PPFIA2: variants seen among roughly 807,000 people sequenced by gnomAD.
PPFIA2 encodes liprin-alpha-2.
PPFIA2 carries 46 observed loss-of-function variants against 175.5 expected under a neutral mutation model. The observed-to-expected ratio is 0.26, with a 90% CI of 0.21 to 0.34. PPFIA2 has a LOEUF of 0.34. Among genes scored for constraint, PPFIA2 ranks in the 10% least tolerant of loss-of-function variants. The pLI is 1.00. For synonymous variants in PPFIA2, 568 were observed against 511.4 expected, an observed-to-expected ratio of 1.11 and a Z score of -1.49; for missense variants, 1,179 against 1,506.1, an observed-to-expected ratio of 0.78 and a Z score of 3.60.
Position 81,362,857 on chromosome 12 carries a change from A to G in PPFIA2, c.1546-73T>C, listed in dbSNP as rs79626223. ...CAATTATGATAAATGAGTCTTAATG[A>G]TTTTTTTTAAAAAGGAAAAACTGAG... On this transcript the variant is annotated intron_variant, in intron 14 of 32. Transcript: ENST00000549396. 1.8e-3 allele frequency: 1,675 copies of G among 910,720 alleles called. 22 individuals carry two copies. The East Asian group carries it at 0.032, about 17-fold the overall frequency. 56.4% of individuals were successfully genotyped at this position (910,720 alleles called of 1,614,324 possible). A position where few individuals can be genotyped will look rare whatever the true frequency, so the allele number is the denominator to read the frequency against.
intron 11 of PPFIA2, among the ~76,000 whole-genome samples, chr12:81,372,222 C>A (rs1360891681): frequency 6.7e-6 from 1 of 150,200 alleles, no homozygotes; most frequent in Non-Finnish European, 1.5e-5. Flanking sequence ...GAACTACAGG[C>A]AGAAATGGTT....
intron 4 of PPFIA2, among the ~76,000 whole-genome samples, chr12:81,537,726 T>C (rs1463808839): frequency 6.6e-6 from 1 of 151,838 alleles, no homozygotes; most frequent in Non-Finnish European, 1.5e-5. Flanking sequence ...AATGAGTTCT[T>C]CGTTTTACCA....
intron 8 of PPFIA2, among the ~76,000 whole-genome samples, chr12:81,402,564 T>C (rs2042262394): frequency 6.6e-6 from 1 of 152,032 alleles, no homozygotes; most frequent in Non-Finnish European, 1.5e-5. Flanking sequence ...GGTAAAAAAA[T>C]GTGGTATAGC....
chr12:81,654,485 G>T (rs2067484191), intron 4 of PPFIA2, among the ~76,000 whole-genome samples: 1 of 151,968 alleles, frequency 6.6e-6, no homozygotes, highest in Non-Finnish European at 1.5e-5. Context: ...AAAACAAAAA[G>T]AATTGCTTCA....
intron 22 of PPFIA2, among the ~76,000 whole-genome samples, chr12:81,303,432 A>G (rs1353102154): frequency 2.0e-5 from 3 of 152,176 alleles, no homozygotes; most frequent in Non-Finnish European, 2.9e-5. Flanking sequence ...AGTGTCAGGC[A>G]TGGAGGTGTT....
chr12:81,715,517 T>C (rs1306678131), intron 3 of PPFIA2, among the ~76,000 whole-genome samples: 2 of 151,748 alleles, frequency 1.3e-5, no homozygotes, highest in Non-Finnish European at 2.9e-5. Context: ...GGTTAGGATA[T>C]GGTCAAGCTT....
chr12:81,327,372 G>C (rs898933279), intron 21 of PPFIA2, among the ~76,000 whole-genome samples: 5 of 151,928 alleles, frequency 3.3e-5, no homozygotes, highest in African/African-American at 1.2e-4. Flanking sequence ...GGTGACTAAA[G>C]TACTCTTGGG....
At chr12:81,336,262 G>A (rs1265797522) in intron 21 of PPFIA2, among the ~76,000 whole-genome samples, 2 of 152,218 alleles carry the variant, frequency 1.3e-5, no homozygotes, top group East Asian at 1.9e-4. Context: ...AATAATTTTG[G>A]TTGGTTTCTG....
chr12:81,535,825 T>C (rs1387504634), intron 4 of PPFIA2, among the ~76,000 whole-genome samples: 1 of 151,824 alleles, frequency 6.6e-6, no homozygotes, highest in African/African-American at 2.4e-5. Context: ...CATGAAAATT[T>C]CACTTGTTAT....
chr12:81,461,581 A>G (rs904507880), intron 4 of PPFIA2, among the ~76,000 whole-genome samples: 37 of 152,044 alleles, frequency 2.4e-4, no homozygotes, highest in African/African-American at 8.0e-4. Flanking sequence ...GATCTCCATC[A>G]TTAACCAGCA....
intron 4 of PPFIA2, among the ~76,000 whole-genome samples, chr12:81,510,982 C>T (rs2061720853): frequency 6.6e-6 from 1 of 151,864 alleles, no homozygotes; most frequent in Admixed American, 6.6e-5. Flanking sequence ...TTATCCTTTC[C>T]TTAATCTTCA....
At chr12:81,685,042 G>A (rs1477821240) in intron 3 of PPFIA2, among the ~76,000 whole-genome samples, 2 of 151,988 alleles carry the variant, frequency 1.3e-5, no homozygotes, top group East Asian at 3.9e-4. Flanking sequence ...ATTAATAAAT[G>A]GTTCAAATAT....
At chr12:81,554,901 C>G (rs994357854) in intron 4 of PPFIA2, among the ~76,000 whole-genome samples, 1 of 151,988 alleles carries the variant, frequency 6.6e-6, no homozygotes, top group African/African-American at 2.4e-5. Context: ...ATTTCAAACT[C>G]TCAGTAACAG....
Position 81,339,338 on chromosome 12 carries a change from C to A in PPFIA2, c.2394-4G>T. ...CTCAAGAGAGACAGATAAACTACTG[C>A]AAAACACAAAAGAGGAAAATACATG... On this transcript the variant is annotated splice_region_variant and splice_polypyrimidine_tract_variant and intron_variant, in intron 20 of 32. Coordinates refer to ENST00000549396, the MANE Select transcript of PPFIA2 (RefSeq NM_003625.5). 6.4e-7 allele frequency: 1 copy of A among 1,560,960 alleles called. No individual in the cohort carries two copies. The highest frequency in any genetic ancestry group is 1.2e-5 in the South Asian group (1 of 81,600).
Position 81,734,328 on chromosome 12 carries a change from C to T in PPFIA2, c.249+19645G>A, listed in dbSNP as rs527476352. ...CTCTTTGCTCTGAGAGATTACATTG[C>T]ATTTGCAGAAAAAAAATGCATACAA... On this transcript the variant is annotated intron_variant, in intron 3 of 32. Coordinates refer to ENST00000549396, the MANE Select transcript of PPFIA2 (RefSeq NM_003625.5). Among the ~76,000 whole-genome samples, 13 of 151,828 alleles carry T rather than the reference C, an allele frequency of 8.6e-5. No homozygotes were observed. In the South Asian group the frequency reaches 2.3e-3, roughly 27 times the overall value.
chr12:81,289,724 A>G (rs2044393495), intron 24 of PPFIA2, among the ~76,000 whole-genome samples: 1 of 151,870 alleles, frequency 6.6e-6, no homozygotes, highest in Non-Finnish European at 1.5e-5. Context: ...GGAACTCCAG[A>G]CATTGGAAAC....
At chr12:81,620,818 C>G (rs2061968718) in intron 4 of PPFIA2, among the ~76,000 whole-genome samples, 1 of 152,132 alleles carries the variant, frequency 6.6e-6, no homozygotes, top group African/African-American at 2.4e-5. Flanking sequence ...TGTAAACATT[C>G]CTCTGACATC....
At position 81,284,285 on chromosome 12, in the gene PPFIA2, C is replaced by T; in HGVS notation, c.2944G>A (p.Val982Met). 1 of 1,596,614 alleles carries T rather than the reference C, an allele frequency of 6.3e-7. No homozygotes were observed. Among genetic ancestry groups the T allele is most frequent in the South Asian group, 1.1e-5 (1 of 89,024 alleles). ...TSRTPSGNVW[V>M]THEEMENLAA... is the part of the protein sequence containing the mutation. ...AGATTTTCCATTTCTTCATGAGTCACCCAAACGTTGCCTGAAGGCTAGTGA... is the reference window on the plus strand; with the variant it reads ...AGATTTTCCATTTCTTCATGAGTCATCCAAACGTTGCCTGAAGGCTAGTGA... The change falls in exon 25 of 33, where the codon GTG (valine) becomes ATG (methionine). Residue 982 changes from valine (V) to methionine (M), a missense_variant. Physicochemically the swap from Val to Met is conservative, Grantham distance 21. This residue lies in a region of PPFIA2 where 245 missense variants were observed against 375.1 expected (regional missense o/e 0.65). Coordinates refer to ENST00000549396, the MANE Select transcript of PPFIA2 (RefSeq NM_003625.5).
intron 6 of PPFIA2, among the ~76,000 whole-genome samples, chr12:81,440,468 A>T (rs574635700): frequency 6.6e-6 from 1 of 152,256 alleles, no homozygotes; most frequent in Admixed American, 6.5e-5. Flanking sequence ...GTGAATTTTC[A>T]TTTGGTACTT....
Sources: gnomAD v4.1 joint callset for allele counts (sites outside exome capture counted in the v4.1 genomes callset) on GRCh38, gnomAD v4.1.1 for gene constraint, gnomAD v4.1.1 regional missense constraint, MANE v1.5 for transcripts, NCBI Gene and HGNC (gene_info 2026-07-23, HGNC 2026-07-21) for gene names.